Variants in WDR70 observed in about 807,000 individuals in gnomAD.
WDR70 encodes the protein WD repeat-containing protein 70.
WDR70 carries 53 observed loss-of-function variants against 88.6 expected under a neutral mutation model. The observed-to-expected ratio is 0.60, with a 90% CI of 0.48 to 0.75. WDR70 has a LOEUF of 0.75. WDR70 is among the 30% of genes least tolerant of loss of function. The probability of loss-of-function intolerance (pLI) is 0.00; values close to 1 mark genes in which losing one functional copy is unlikely to be tolerated. For synonymous variants in WDR70, 280 were observed against 270.0 expected (o/e 1.04, Z -0.36); for missense variants, 610 against 823.2 (o/e 0.74, Z 3.17).
At chr5:37,444,408 G>C (rs1421459120) in intron 7 of WDR70, among the ~76,000 whole-genome samples, 1 of 134,274 alleles carries the variant, frequency 7.4e-6, no homozygotes, top group East Asian at 2.3e-4. Context: ...GCGAGATCTT[G>C]GCTCACTGCA....
intron 10 of WDR70, among the ~76,000 whole-genome samples, chr5:37,625,391 T>C (rs1581445391): frequency 6.6e-6 from 1 of 152,218 alleles, no homozygotes; most frequent in South Asian, 2.1e-4. Context: ...TGAGATGTTA[T>C]CTAGTTATAG....
chr5:37,423,597 A>C (rs1393077251), intron 5 of WDR70, among the ~76,000 whole-genome samples: 1 of 127,444 alleles, frequency 7.8e-6, no homozygotes, highest in African/African-American at 2.9e-5. Flanking sequence ...GGTGTCTTGC[A>C]CTGTCTCCCA....
At chr5:37,644,551 T>C (rs1745184610) in intron 10 of WDR70, among the ~76,000 whole-genome samples, 1 of 152,040 alleles carries the variant, frequency 6.6e-6, no homozygotes. Flanking sequence ...TGAGTAGGAT[T>C]GGTATTAGTA....
At chr5:37,728,113 C>T (rs1748034078) in intron 17 of WDR70, among the ~76,000 whole-genome samples, 3 of 151,938 alleles carry the variant, frequency 2.0e-5, no homozygotes, top group South Asian at 4.2e-4. Context: ...TTTGGGTGGC[C>T]GAGGCAGGCA....
chr5:37,593,999 GT>G (rs1743620247), intron 9 of WDR70, among the ~76,000 whole-genome samples: 1 of 152,030 alleles, frequency 6.6e-6, no homozygotes, highest in Admixed American at 6.6e-5. Context: ...TGATGGTGTT[GT>G]TTTTTTCTTG....
chr5:37,553,156 G>A (rs566288329), intron 9 of WDR70, among the ~76,000 whole-genome samples: 1 of 152,308 alleles, frequency 6.6e-6, no homozygotes, highest in South Asian at 2.1e-4. Flanking sequence ...TTGATAGTTG[G>A]TGTGGGGGAA....
At chr5:37,646,311 CTATTTA>C (rs1440514652) in intron 10 of WDR70, among the ~76,000 whole-genome samples, 4 of 151,918 alleles carry the variant, frequency 2.6e-5, no homozygotes, top group African/African-American at 7.2e-5. Context: ...TTTGTTTTTA[CTATTTA>C]TATTTTTTGT....
intron 7 of WDR70, among the ~76,000 whole-genome samples, chr5:37,447,134 A>G (rs1307044202): frequency 1.3e-5 from 2 of 152,236 alleles, no homozygotes; most frequent in Non-Finnish European, 2.9e-5. Context: ...GAAGGATATG[A>G]ACAGACACTT....
chr5:37,700,987 C>G (rs920616966), intron 11 of WDR70, 71 bp from the exon 12 acceptor site: 1 of 941,494 alleles, frequency 1.1e-6, no homozygotes, highest in Non-Finnish European at 1.7e-6. Flanking sequence ...TTAGCAGACT[C>G]TAAACTGGGA....
rs1046057172 is a variant in WDR70, at chr5:37,679,012, A to C, written c.1093-18643A>C. On this transcript the variant is annotated intron_variant, in intron 10 of 17. Coordinates refer to ENST00000265107, the MANE Select transcript of WDR70 (RefSeq NM_018034.4). ...TTCCATCACTGATACCCTTTCTTCC[A>C]GTTGATCACATCAGCTCCTGAGGCT... 7.6e-3 allele frequency among the ~76,000 whole-genome samples: 1,163 copies of C among 152,290 alleles called. 10 individuals are homozygous for C. The highest frequency in any genetic ancestry group is 0.027 in the African/African-American group (1,108 of 41,546).
chr5:37,707,056 C>A (rs1747348031), intron 13 of WDR70, among the ~76,000 whole-genome samples: 1 of 151,956 alleles, frequency 6.6e-6, no homozygotes, highest in South Asian at 2.1e-4. Context: ...AAATTTTAAG[C>A]TTTTCTTAAG....
At chr5:37,395,692 T>C (rs983857936) in intron 4 of WDR70, among the ~76,000 whole-genome samples, 2 of 152,232 alleles carry the variant, frequency 1.3e-5, no homozygotes, top group African/African-American at 2.4e-5. Flanking sequence ...GATTCAAATA[T>C]AGTTAATTGA....
intron 7 of WDR70, among the ~76,000 whole-genome samples, chr5:37,472,519 G>C (rs572374129): frequency 6.6e-6 from 1 of 152,120 alleles, no homozygotes; most frequent in South Asian, 2.1e-4. Context: ...ACTTGAGATG[G>C]AGTCTTGTTC....
intron 9 of WDR70, among the ~76,000 whole-genome samples, chr5:37,553,654 C>T (rs1256247135): frequency 1.3e-5 from 2 of 152,118 alleles, no homozygotes; most frequent in Non-Finnish European, 2.9e-5. Flanking sequence ...GAGTGTGGTA[C>T]GCAGTCACAA....
intron 10 of WDR70, among the ~76,000 whole-genome samples, chr5:37,649,737 T>TC (rs1561050386): frequency 6.0e-4 from 65 of 108,430 alleles, no homozygotes; most frequent in Non-Finnish European, 7.4e-4. Context: ...TTACTTCTTT[T>TC]TTTTTTTTTT....
chr5:37,489,571 G>A (rs1421190860), intron 8 of WDR70, among the ~76,000 whole-genome samples: 2 of 152,060 alleles, frequency 1.3e-5, no homozygotes, highest in Non-Finnish European at 2.9e-5. Context: ...GACTGGGCAG[G>A]GTGAACCCCC....
At chr5:37,596,219 C>T (rs1359478531) in intron 9 of WDR70, among the ~76,000 whole-genome samples, 3 of 152,078 alleles carry the variant, frequency 2.0e-5, no homozygotes, top group African/African-American at 7.2e-5. Flanking sequence ...GGAAACAGTA[C>T]ACAGGAATAA....
intron 11 of WDR70, chr5:37,698,055 A>G: frequency 7.6e-6 from 2 of 261,954 alleles, no homozygotes; most frequent in Non-Finnish European, 1.5e-5. Flanking sequence ...TGGGAAGTTT[A>G]TAGATGATCA....
intron 17 of WDR70, among the ~76,000 whole-genome samples, chr5:37,732,955 T>C (rs563675156): frequency 6.6e-6 from 1 of 152,204 alleles, no homozygotes; most frequent in African/African-American, 2.4e-5. Flanking sequence ...TCAATACTTT[T>C]ATGGATTTTT....
Sources: allele counts gnomAD v4.1 joint callset (sites outside exome capture counted in the v4.1 genomes callset), GRCh38; gene constraint gnomAD v4.1.1; transcripts MANE v1.5; gene names NCBI Gene and HGNC (gene_info 2026-07-23, HGNC 2026-07-21).